Variants in SLC8A3 observed in about 807,000 individuals in gnomAD.
SLC8A3 encodes the protein solute carrier family 8 member A3, also known as sodium/calcium exchanger 3.
SLC8A3 carries 37 observed loss-of-function variants against 65.4 expected under a neutral mutation model. The ratio of observed to expected loss-of-function variants is 0.57; its 90% CI spans 0.44 to 0.74. SLC8A3 has a LOEUF of 0.74. Ranked by LOEUF, SLC8A3 falls within the 30% of genes least tolerant of loss-of-function variation. The pLI is 0.00. For missense variants in SLC8A3, 1,112 were observed against 1,172.1 expected, an observed-to-expected ratio of 0.95 and a Z score of 0.75; for synonymous variants, 461 against 444.5, an observed-to-expected ratio of 1.04 and a Z score of -0.47.
intron 2 of SLC8A3, among the ~76,000 whole-genome samples, chr14:70,114,373 T>C (rs1375257520): frequency 1.3e-5 from 2 of 152,176 alleles, no homozygotes; most frequent in Non-Finnish European, 2.9e-5. Context: ...TTGGCTGAGC[T>C]GGGAATAGAC....
rs139151251 is a variant in SLC8A3, at chr14:70,075,383, G to A, written c.1785-14444C>T. Reference sequence around the variant, plus strand: ...GCCTGCCCAAGGTTTGCCATAGGCCGCGTATCCTTCTTATTTTTAGGCAAT... The same window carrying A: ...GCCTGCCCAAGGTTTGCCATAGGCCACGTATCCTTCTTATTTTTAGGCAAT... On this transcript the variant is annotated intron_variant, in intron 2 of 6. Coordinates refer to ENST00000356921, the MANE Select transcript of SLC8A3 (RefSeq NM_182932.3). Among the ~76,000 whole-genome samples the A allele has an allele frequency of 2.5e-3, 379 of 152,246 alleles. 1 individual carries two copies. Among genetic ancestry groups the A allele is most frequent in the African/African-American group, 8.1e-3 (337 of 41,526 alleles).
intron 2 of SLC8A3, among the ~76,000 whole-genome samples, chr14:70,115,210 G>A (rs1294051627): frequency 1.3e-5 from 2 of 152,258 alleles, no homozygotes; most frequent in South Asian, 2.1e-4. Flanking sequence ...AGACCCCAGC[G>A]CAGCGCACTT....
At chr14:70,123,785 A>T (rs1894244650) in intron 2 of SLC8A3, among the ~76,000 whole-genome samples, 1 of 152,174 alleles carries the variant, frequency 6.6e-6, no homozygotes, top group Non-Finnish European at 1.5e-5. Context: ...ATAAGATAAA[A>T]TATTTTACAA....
At chr14:70,084,232 T>C (rs1891264522) in intron 2 of SLC8A3, among the ~76,000 whole-genome samples, 1 of 152,244 alleles carries the variant, frequency 6.6e-6, no homozygotes, top group Non-Finnish European at 1.5e-5. Context: ...ACCTTGGTTA[T>C]TTTCCAAGAT....
At chr14:70,117,867 G>A (rs1022460652) in intron 2 of SLC8A3, among the ~76,000 whole-genome samples, 1 of 152,108 alleles carries the variant, frequency 6.6e-6, no homozygotes, top group Non-Finnish European at 1.5e-5. Flanking sequence ...GCTCAATCAA[G>A]TCATTCAAAC....
At chr14:70,047,123 C>T (rs1466866557) in intron 6 of SLC8A3, 1 of 152,218 alleles carries the variant, frequency 6.6e-6, no homozygotes, top group African/African-American at 2.4e-5. Flanking sequence ...CAGCCAAAGC[C>T]ACTAAATCAG....
At chr14:70,072,769 T>C (rs1890128405) in intron 2 of SLC8A3, among the ~76,000 whole-genome samples, 2 of 152,152 alleles carry the variant, frequency 1.3e-5, no homozygotes. Context: ...TGCCTCAGCC[T>C]CCCGAGTAGC....
At chr14:70,085,643 C>T (rs1046301498) in intron 2 of SLC8A3, among the ~76,000 whole-genome samples, 3 of 152,184 alleles carry the variant, frequency 2.0e-5, no homozygotes, top group Non-Finnish European at 2.9e-5. Context: ...TTCAAGATTT[C>T]GCAGTCCAAT....
At chr14:70,067,092 T>A (rs1443968142) in intron 2 of SLC8A3, among the ~76,000 whole-genome samples, 1 of 152,136 alleles carries the variant, frequency 6.6e-6, no homozygotes, top group African/African-American at 2.4e-5. Context: ...CTCCCCTTGC[T>A]TATGTGTCCT....
chr14:70,138,556 C>G (rs10143682), intron 2 of SLC8A3, among the ~76,000 whole-genome samples: 1,970 of 152,336 alleles, frequency 0.013, 44 homozygotes, highest in African/African-American at 0.044. Context: ...ACTTCTCCCA[C>G]CATTGCATCA....
intron 3 of SLC8A3, among the ~76,000 whole-genome samples, chr14:70,056,695 C>G (rs1456893152): frequency 2.0e-5 from 3 of 152,140 alleles, no homozygotes; most frequent in African/African-American, 7.2e-5. Flanking sequence ...TCAGAAAGGA[C>G]AGGCTAAGTC....
intron 2 of SLC8A3, among the ~76,000 whole-genome samples, chr14:70,104,053 A>C (rs1162334219): frequency 6.6e-6 from 1 of 152,088 alleles, no homozygotes; most frequent in Non-Finnish European, 1.5e-5. Context: ...CATTGCATAA[A>C]TAATAACGGA....
intron 2 of SLC8A3, among the ~76,000 whole-genome samples, chr14:70,133,954 A>G (rs1280949707): frequency 5.3e-5 from 8 of 152,116 alleles, no homozygotes; most frequent in East Asian, 1.9e-4. Context: ...CCAGGGGTCA[A>G]CTTCCCCTCT....
At chr14:70,075,470 C>T (rs187303739) in intron 2 of SLC8A3, among the ~76,000 whole-genome samples, 1 of 152,272 alleles carries the variant, frequency 6.6e-6, no homozygotes. Context: ...GAACTGTGCT[C>T]TGGAAAGGTG....
At chr14:70,163,657 G>A (rs1003774658) in intron 2 of SLC8A3, among the ~76,000 whole-genome samples, 2 of 152,166 alleles carry the variant, frequency 1.3e-5, no homozygotes, top group Non-Finnish European at 2.9e-5. Flanking sequence ...TGGAATTAAA[G>A]AGCAAACAAT....
At chr14:70,109,680 T>A (rs1210066025) in intron 2 of SLC8A3, among the ~76,000 whole-genome samples, 2 of 152,002 alleles carry the variant, frequency 1.3e-5, no homozygotes, top group Non-Finnish European at 2.9e-5. Flanking sequence ...TCTCGAAAAG[T>A]CCTAACCTGA....
chr14:70,143,024 C>T (rs1317812978), intron 2 of SLC8A3, among the ~76,000 whole-genome samples: 1 of 152,106 alleles, frequency 6.6e-6, no homozygotes, highest in African/African-American at 2.4e-5. Flanking sequence ...TCATTCTGTC[C>T]CCAGCTACCC....
At chr14:70,173,596 G>T (rs992191218) in intron 1 of SLC8A3, among the ~76,000 whole-genome samples, 1 of 152,138 alleles carries the variant, frequency 6.6e-6, no homozygotes, top group African/African-American at 2.4e-5. Flanking sequence ...TTTCTCCAAT[G>T]GGAACACTGC....
At chr14:70,097,286 T>TAA (rs5809459) in intron 2 of SLC8A3, among the ~76,000 whole-genome samples, 11,074 of 145,742 alleles carry the variant, frequency 0.076, 484 homozygotes, top group Non-Finnish European at 0.11. Context: ...CATTTTCCTT[T>TAA]AAAAAAAAAA....
Sources: allele counts gnomAD v4.1 joint callset (sites outside exome capture counted in the v4.1 genomes callset), GRCh38; gene constraint gnomAD v4.1.1; transcripts MANE v1.5; gene names NCBI Gene and HGNC (gene_info 2026-07-23, HGNC 2026-07-21).